Variants in TUG1 observed in about 807,000 individuals in gnomAD.
TUG1 encodes the protein taurine upregulated gene 1.
exon 2 of TUG1, chr22:30,972,925 C>G (rs2041247639): frequency 6.5e-6 from 1 of 152,900 alleles, no homozygotes; most frequent in South Asian, 2.1e-4. Flanking sequence ...TTCCATCAGC[C>G]TACAGACCTG....
exon 2 of TUG1, chr22:30,973,294 C>G (rs1361351774): frequency 6.6e-6 from 1 of 152,140 alleles, no homozygotes; most frequent in East Asian, 1.9e-4. Context: ...TGGACCACAC[C>G]CCACAATCTC....
chr22:30,970,381 A>G (rs1236389623), exon 1 of TUG1: 4 of 152,190 alleles, frequency 2.6e-5, no homozygotes, highest in African/African-American at 7.2e-5. Context: ...AGCTGTTTCT[A>G]TGCATAATGG....
At chr22:30,975,966 A>T (rs1257675289) in exon 3 of TUG1, 1 of 151,818 alleles carries the variant, frequency 6.6e-6, no homozygotes, top group South Asian at 2.1e-4. Flanking sequence ...TTTCCAAACT[A>T]CACATCACTG....
At chr22:30,972,485 A>C (rs146422527) in intron 1 of TUG1, 1 of 152,286 alleles carries the variant, frequency 6.6e-6, no homozygotes, top group African/African-American at 2.4e-5. Context: ...CCTTTGTTTT[A>C]TTGTTGGTAT....
chr22:30,971,798 A>G lies in TUG1; in HGVS notation c.*1961+19A>G, dbSNP rs1378699832. On this transcript the variant is annotated intron_variant, in intron 1 of 2. Coordinates refer to ENST00000644773, the Ensembl canonical transcript of TUG1. ...AATTATGGTACTTGCCATTTTCCAA[A>G]ATGCCTTATCCTTTACCATCTCTGC... is the stretch of plus-strand genomic sequence containing the variant. The G allele has an allele frequency of 4.6e-5, 7 of 152,442 alleles. No individual in the cohort carries two copies. Among genetic ancestry groups the G allele is most frequent in the Admixed American group, 4.6e-4 (7 of 15,274 alleles). The allele number at this position is 152,442 out of a possible 1,614,324, so 9.4% of individuals were successfully genotyped here.
At chr22:30,974,015 CAT>C (rs1469180620) in intron 2 of TUG1, 1 of 152,134 alleles carries the variant, frequency 6.6e-6, no homozygotes, top group Non-Finnish European at 1.5e-5. Context: ...AAAAACGGGA[CAT>C]GTTCTAACAG....
exon 3 of TUG1, chr22:30,977,830 A>C (rs2041306684): frequency 6.6e-6 from 1 of 152,176 alleles, no homozygotes; most frequent in South Asian, 2.1e-4. Flanking sequence ...ACCCACTAGG[A>C]CTCAATGTTC....
chr22:30,976,195 TCTC>T (rs1426593901), exon 3 of TUG1: 1 of 152,154 alleles, frequency 6.6e-6, no homozygotes, highest in African/African-American at 2.4e-5. Context: ...GAACACCCCT[TCTC>T]ATGTGATTTA....
chr22:30,971,316 C>G (rs536320645), exon 1 of TUG1: 1 of 152,160 alleles, frequency 6.6e-6, no homozygotes. Context: ...GGTCTTTTTG[C>G]TCTTTTGTAA....
At chr22:30,969,963 C>A (rs1602527145) in exon 1 of TUG1, 1 of 152,244 alleles carries the variant, frequency 6.6e-6, no homozygotes, top group African/African-American at 2.4e-5. Flanking sequence ...GCCTCAGTTT[C>A]CTCCTCTGCC....
At chr22:30,972,650 C>T (rs1026993627) in intron 1 of TUG1, 23 of 152,724 alleles carry the variant, frequency 1.5e-4, no homozygotes, top group Non-Finnish European at 2.6e-4. Context: ...TCCCACAAAT[C>T]GAGAGTGTTA....
chr22:30,977,140 A>T (rs2041297631), exon 3 of TUG1: 1 of 152,234 alleles, frequency 6.6e-6, no homozygotes, highest in Non-Finnish European at 1.5e-5. Context: ...TCGAGTCTAA[A>T]ATATACATTG....
chr22:30,977,445 A>G (rs1423211124), exon 3 of TUG1: 2 of 152,218 alleles, frequency 1.3e-5, no homozygotes, highest in Non-Finnish European at 2.9e-5. Flanking sequence ...AGTCTGATTG[A>G]GGATAAGGCC....
chr22:30,974,255 TC>T, intron 2 of TUG1: 1 of 150,802 alleles, frequency 6.6e-6, no homozygotes, highest in Non-Finnish European at 1.5e-5. Flanking sequence ...ACATGGCCCT[TC>T]CCCCAGTCTA....
At chr22:30,977,187 A>G (rs963172862) in exon 3 of TUG1, 5 of 152,194 alleles carry the variant, frequency 3.3e-5, no homozygotes, top group Admixed American at 1.3e-4. Context: ...CAAAAAACCT[A>G]AAACTTAAAT....
exon 1 of TUG1, chr22:30,969,599 C>A: frequency 6.6e-6 from 1 of 152,302 alleles, no homozygotes; most frequent in South Asian, 1.9e-4. Context: ...GGGTGGTCGG[C>A]GGCGGCGGGC....
At chr22:30,977,607 C>T (rs1170021776) in exon 3 of TUG1, 1 of 152,134 alleles carries the variant, frequency 6.6e-6, no homozygotes, top group Non-Finnish European at 1.5e-5. Context: ...ACAGAACTTC[C>T]TTATTGATCT....
At chr22:30,971,346 A>G (rs2041228180) in exon 1 of TUG1, 1 of 152,442 alleles carries the variant, frequency 6.6e-6, no homozygotes, top group South Asian at 2.1e-4. Flanking sequence ...GATGTACCTC[A>G]AAAGACTTAA....
chr22:30,972,706 C>T (rs1345190014), intron 1 of TUG1, 149 bp from the exon 2 acceptor site: 1 of 152,684 alleles, frequency 6.5e-6, no homozygotes, highest in Non-Finnish European at 1.5e-5. Flanking sequence ...TGTTTGTTTT[C>T]ATTTATCATT....
Sources: allele counts gnomAD v4.1 joint callset, GRCh38; gene constraint gnomAD v4.1.1; transcripts MANE v1.5; gene names NCBI Gene and HGNC (gene_info 2026-07-23, HGNC 2026-07-21).